The following TRPC6 variants were observed in gnomAD, a reference collection of about 807,000 sequenced individuals.
The protein encoded by TRPC6 is short transient receptor potential channel 6.
TRPC6 carries 55 observed loss-of-function variants against 90.7 expected under a neutral mutation model. The ratio of observed to expected loss-of-function variants is 0.61; its 90% CI spans 0.49 to 0.76. The LOEUF is 0.76. TRPC6 is among the 30% of genes least tolerant of loss of function. The probability of loss-of-function intolerance (pLI) is 0.00; values close to 1 mark genes in which losing one functional copy is unlikely to be tolerated. For synonymous variants in TRPC6, 393 were observed against 393.0 expected, an observed-to-expected ratio of 1.00 and a Z score of 0.00; for missense variants, 989 against 1,122.7, an observed-to-expected ratio of 0.88 and a Z score of 1.70.
At chr11:101,514,768 A>G (rs1860478459) in intron 1 of TRPC6, among the ~76,000 whole-genome samples, 1 of 152,204 alleles carries the variant, frequency 6.6e-6, no homozygotes, top group Non-Finnish European at 1.5e-5. Flanking sequence ...GTGCTGCCCC[A>G]AAAGGTTTTG....
chr11:101,535,165 G>GAAAGA (rs1861008292), intron 1 of TRPC6, among the ~76,000 whole-genome samples: 1 of 141,734 alleles, frequency 7.1e-6, no homozygotes, highest in African/African-American at 2.6e-5. Flanking sequence ...GATTCTGTCA[G>GAAAGA]AAAGAAAAGA....
chr11:101,532,721 GAAAGAAT>G (rs1860935748), intron 1 of TRPC6, among the ~76,000 whole-genome samples: 1 of 152,124 alleles, frequency 6.6e-6, no homozygotes, highest in Non-Finnish European at 1.5e-5. Flanking sequence ...TTGAGGAGGA[GAAAGAAT>G]TAGCCAAGAG....
At chr11:101,487,598 A>C (rs1410802896) in intron 4 of TRPC6, among the ~76,000 whole-genome samples, 1 of 151,306 alleles carries the variant, frequency 6.6e-6, no homozygotes, top group Admixed American at 6.6e-5. Flanking sequence ...TACACACATT[A>C]TTTTTCCAGG....
chr11:101,536,405 C>G (rs55932247), intron 1 of TRPC6, among the ~76,000 whole-genome samples: 2 of 121,496 alleles, frequency 1.6e-5, no homozygotes, highest in Non-Finnish European at 3.7e-5. Flanking sequence ...TCCCTCCCCC[C>G]CACCAAAAAA....
chr11:101,567,068 G>A (rs892975480), intron 1 of TRPC6, among the ~76,000 whole-genome samples: 1 of 151,932 alleles, frequency 6.6e-6, no homozygotes, highest in African/African-American at 2.4e-5. Flanking sequence ...GCTCGGGGCG[G>A]GGTGGGGGGG....
chr11:101,556,958 C>T (rs961546653), intron 1 of TRPC6, among the ~76,000 whole-genome samples: 1 of 152,054 alleles, frequency 6.6e-6, no homozygotes, highest in African/African-American at 2.4e-5. Context: ...GACAAAAAAC[C>T]ATATGGTCAT....
chr11:101,552,284 G>A (rs1020404877), intron 1 of TRPC6, among the ~76,000 whole-genome samples: 8 of 152,088 alleles, frequency 5.3e-5, no homozygotes, highest in African/African-American at 1.4e-4. Flanking sequence ...GAAAGATGAC[G>A]AAGAGGAGAA....
At chr11:101,542,188 TGAG>T (rs1861188739) in intron 1 of TRPC6, among the ~76,000 whole-genome samples, 2 of 152,210 alleles carry the variant, frequency 1.3e-5, no homozygotes, top group African/African-American at 4.8e-5. Flanking sequence ...CAAGGATAGA[TGAG>T]ACACGGAGTA....
At chr11:101,521,269 C>T (rs1464092176) in intron 1 of TRPC6, among the ~76,000 whole-genome samples, 1 of 152,174 alleles carries the variant, frequency 6.6e-6, no homozygotes, top group Non-Finnish European at 1.5e-5. Context: ...CCCTGTTTCC[C>T]AGCCACTCCA....
At chr11:101,490,501 A>C (rs920531945) in intron 3 of TRPC6, among the ~76,000 whole-genome samples, 4 of 152,240 alleles carry the variant, frequency 2.6e-5, no homozygotes, top group Non-Finnish European at 4.4e-5. Flanking sequence ...TCTGTCACCC[A>C]GCCTGGAGTG....
intron 4 of TRPC6, among the ~76,000 whole-genome samples, chr11:101,486,123 A>G (rs1480136622): frequency 6.6e-6 from 1 of 152,114 alleles, no homozygotes; most frequent in African/African-American, 2.4e-5. Context: ...GCAATCAAAC[A>G]AAAAGCTGGT....
At chr11:101,472,062 T>A in intron 8 of TRPC6, 75 bp downstream of exon 8, 1 of 1,401,642 alleles carries the variant, frequency 7.1e-7, no homozygotes, top group Non-Finnish European at 1.0e-6. Flanking sequence ...CATGCTTTCA[T>A]CCCCATTGCT....
At chr11:101,525,627 C>T (rs17096869) in intron 1 of TRPC6, among the ~76,000 whole-genome samples, 4,175 of 152,174 alleles carry the variant, frequency 0.027, 230 homozygotes, top group African/African-American at 0.096. Flanking sequence ...TAAGAGAGAA[C>T]GTAACACGTT....
chr11:101,531,677 C>T (rs530086320), intron 1 of TRPC6, among the ~76,000 whole-genome samples: 1 of 152,294 alleles, frequency 6.6e-6, no homozygotes, highest in East Asian at 1.9e-4. Context: ...ATTTTACTGC[C>T]TACCATATTT....
rs757851674 is a variant in TRPC6, at chr11:101,489,026, T to G, written c.1204A>C (p.Thr402Pro). The change falls in exon 4 of 13, where the codon ACA (threonine) becomes CCA (proline). Residue 402 changes from threonine to proline, a missense_variant. Transcript: ENST00000344327. ...YENLSGLRQQ[T>P]MAVKFLVVLA... Reference sequence around the variant, plus strand: ...ACCACAAGGAACTTGACCGCCATTGTCTGCTGTCGTAAACCAGAAAGATTC... The same window carrying G: ...ACCACAAGGAACTTGACCGCCATTGGCTGCTGTCGTAAACCAGAAAGATTC... The G allele has an allele frequency of 1.1e-5, 17 of 1,614,080 alleles. No individual in the cohort carries two copies. The highest frequency in any genetic ancestry group is 1.3e-5 in the African/African-American group (1 of 74,948).
intron 2 of TRPC6, among the ~76,000 whole-genome samples, chr11:101,494,162 G>A (rs1859890786): frequency 1.3e-5 from 2 of 152,162 alleles, no homozygotes; most frequent in South Asian, 4.2e-4. Flanking sequence ...AGATTTGGAG[G>A]TACATATTTG....
In TRPC6 at chr11:101,452,358, A is replaced by G. The variant is rs1858782777; in HGVS notation, c.*597T>C. ...AAAACTTTTTTCATTGTTAAGTGTAATGTTTTCAAATAGATGAATCAGAAA... is the reference window on the plus strand; with the variant it reads ...AAAACTTTTTTCATTGTTAAGTGTAGTGTTTTCAAATAGATGAATCAGAAA... On this transcript the variant is annotated 3_prime_UTR_variant, in exon 13 of 13. Coordinates refer to ENST00000344327, the MANE Select transcript of TRPC6 (RefSeq NM_004621.6). 1 of 153,952 alleles carries G rather than the reference A, an allele frequency of 6.5e-6. No individual in the cohort carries two copies. The allele number at this position is 153,952 out of a possible 1,614,324, so 9.5% of individuals were successfully genotyped here. A position where few individuals can be genotyped will look rare whatever the true frequency, so the allele number is the denominator to read the frequency against.
At chr11:101,583,110 G>C (rs1417044880) in intron 1 of TRPC6, 1 of 940,444 alleles carries the variant, frequency 1.1e-6, no homozygotes, top group Non-Finnish European at 1.3e-6. Context: ...ATATCCATGC[G>C]TACCTACGAG....
chr11:101,500,019 G>A lies in TRPC6; in HGVS notation c.945+4005C>T, dbSNP rs150485403. ...CAGTATAAAATGTGTATATATATAC[G>A]CAATATAAAATGTGTATATATATAC... On this transcript the variant is annotated intron_variant, in intron 2 of 12. Transcript: ENST00000344327. Among the ~76,000 whole-genome samples, 16 of 78,332 alleles carry A rather than the reference G, an allele frequency of 2.0e-4. 3 individuals are homozygous for A. Among genetic ancestry groups the A allele is most frequent in the African/African-American group, 7.5e-4 (13 of 17,416 alleles). 51.4% of individuals were successfully genotyped at this position (78,332 alleles called of 152,430 possible).
Sources: gnomAD v4.1 joint callset for allele counts (sites outside exome capture counted in the v4.1 genomes callset) on GRCh38, gnomAD v4.1.1 for gene constraint, MANE v1.5 for transcripts, NCBI Gene and HGNC (gene_info 2026-07-23, HGNC 2026-07-21) for gene names.